Variants in PHF20 observed in about 807,000 individuals in gnomAD.
The protein encoded by PHF20 is glioma-expressed antigen 2.
PHF20 carries 23 observed loss-of-function variants against 113.5 expected under a neutral mutation model. That is an observed-to-expected ratio of 0.20 (90% CI 0.15 to 0.29). The LOEUF is 0.29. PHF20 is among the 10% of genes least tolerant of loss of function. PHF20 has a pLI of 1.00. For synonymous variants in PHF20, 434 were observed against 457.3 expected, an observed-to-expected ratio of 0.95 and a Z score of 0.65; for missense variants, 943 against 1,219.6, an observed-to-expected ratio of 0.77 and a Z score of 3.38.
At chr20:35,935,018 C>A (rs900697643) in intron 15 of PHF20, among the ~76,000 whole-genome samples, 1 of 151,872 alleles carries the variant, frequency 6.6e-6, no homozygotes, top group Non-Finnish European at 1.5e-5. Context: ...AGCTATATTT[C>A]TTTAAAAAAA....
chr20:35,869,451 C>A lies in PHF20; in HGVS notation c.822C>A (p.Asn274Lys). 6.3e-7 allele frequency: 1 copy of A among 1,591,064 alleles called. No individual in the cohort carries two copies. Among genetic ancestry groups the A allele is most frequent in the Non-Finnish European group, 8.6e-7 (1 of 1,162,316 alleles). The change falls in exon 7 of 18, where the codon AAC (asparagine) becomes AAA (lysine). Residue 274 changes from asparagine (N) to lysine (K), a missense_variant. Physicochemically the swap from Asn to Lys is moderately conservative, Grantham distance 94 (BLOSUM62 0). Around this residue, in one of 3 missense-constraint regions of PHF20, gnomAD observed 592 missense variants for 787.2 expected, o/e 0.75. Coordinates refer to ENST00000374012, the MANE Select transcript of PHF20 (RefSeq NM_016436.5). ...TAAACATGGTAGCTGTGGATTCAAA[C>A]TCTCAAACTTTGCAACCAATAACAT... ...PSIAPTAVDSNSQTLQPITLE... is the reference protein window; with the variant it reads ...PSIAPTAVDSKSQTLQPITLE...
At chr20:35,941,197 C>A in intron 17 of PHF20, 150 bp downstream of exon 17, 1 of 605,030 alleles carries the variant, frequency 1.7e-6, no homozygotes. Flanking sequence ...CCATTCTCCC[C>A]TCAGGATGGA....
chr20:35,875,847 A>T (rs570974573), intron 9 of PHF20, among the ~76,000 whole-genome samples: 62 of 152,322 alleles, frequency 4.1e-4, no homozygotes, highest in Admixed American at 3.6e-3. Flanking sequence ...CTAGATTAGA[A>T]GCTAACTCCA....
At chr20:35,829,064 G>C (rs1169169631) in intron 2 of PHF20, among the ~76,000 whole-genome samples, 1 of 152,150 alleles carries the variant, frequency 6.6e-6, no homozygotes, top group Non-Finnish European at 1.5e-5. Flanking sequence ...TGGCAAGTTG[G>C]TGCTGGTTCC....
At chr20:35,846,781 C>T (rs1490680858) in intron 3 of PHF20, among the ~76,000 whole-genome samples, 1 of 152,114 alleles carries the variant, frequency 6.6e-6, no homozygotes, top group Non-Finnish European at 1.5e-5. Context: ...TGACTCCTGT[C>T]TTAGTCTTTT....
chr20:35,801,266 A>T (rs1029944214), intron 1 of PHF20, among the ~76,000 whole-genome samples: 3 of 152,164 alleles, frequency 2.0e-5, no homozygotes, highest in African/African-American at 7.2e-5. Context: ...GTGAGTGGTA[A>T]GCAGTGTTGA....
intron 10 of PHF20, among the ~76,000 whole-genome samples, chr20:35,905,768 G>T (rs2147069916): frequency 6.6e-6 from 1 of 152,332 alleles, no homozygotes; most frequent in East Asian, 1.9e-4. Context: ...CCAGGAATAG[G>T]CATAGCAAGG....
At chr20:35,779,450 A>T (rs574653032) in intron 1 of PHF20, among the ~76,000 whole-genome samples, 1 of 152,098 alleles carries the variant, frequency 6.6e-6, no homozygotes, top group South Asian at 2.1e-4. Flanking sequence ...CTGTCCTAGT[A>T]GAGACCTGAT....
At chr20:35,808,966 C>T (rs2041931517) in intron 2 of PHF20, among the ~76,000 whole-genome samples, 1 of 151,372 alleles carries the variant, frequency 6.6e-6, no homozygotes, top group Non-Finnish European at 1.5e-5. Flanking sequence ...TTAAACTTAA[C>T]ATTTGGCCAG....
chr20:35,797,633 T>C (rs560421568), intron 1 of PHF20, among the ~76,000 whole-genome samples: 142 of 151,412 alleles, frequency 9.4e-4, no homozygotes, highest in African/African-American at 3.3e-3. Flanking sequence ...GGTGGTTTTT[T>C]TTGTTTGTTT....
chr20:35,888,252 A>G (rs912111794), intron 9 of PHF20, among the ~76,000 whole-genome samples: 1 of 152,138 alleles, frequency 6.6e-6, no homozygotes, highest in Non-Finnish European at 1.5e-5. Flanking sequence ...AAGTGTTGGG[A>G]TTACAGGTGT....
At chr20:35,898,162 A>G (rs1355847042) in intron 9 of PHF20, among the ~76,000 whole-genome samples, 6 of 152,236 alleles carry the variant, frequency 3.9e-5, no homozygotes, top group African/African-American at 1.4e-4. Flanking sequence ...GGCGTGAGCC[A>G]CTGCACCCAC....
At chr20:35,794,287 C>A (rs1194848848) in intron 1 of PHF20, among the ~76,000 whole-genome samples, 4 of 135,420 alleles carry the variant, frequency 3.0e-5, no homozygotes, top group African/African-American at 1.2e-4. Flanking sequence ...GCAACAAGAG[C>A]AAAACTCTGT....
At chr20:35,871,216 T>A in intron 8 of PHF20, 82 bp downstream of exon 8, 1 of 1,103,888 alleles carries the variant, frequency 9.1e-7, no homozygotes, top group Non-Finnish European at 1.3e-6. Flanking sequence ...TGTTCTGCCT[T>A]CCACAAGTAT....
At chr20:35,912,869 G>C (rs916873192) in intron 10 of PHF20, among the ~76,000 whole-genome samples, 2 of 152,148 alleles carry the variant, frequency 1.3e-5, no homozygotes, top group East Asian at 3.9e-4. Context: ...ATGTAGCCAG[G>C]GTTGAGGAGC....
rs1197867112 is a variant in PHF20, at chr20:35,781,709, C to A, written c.-33+9630C>A. Among the ~76,000 whole-genome samples, 7 of 152,154 alleles carry A rather than the reference C, an allele frequency of 4.6e-5. 1 individual carries two copies. Among genetic ancestry groups the A allele is most frequent in the Admixed American group, 2.0e-4 (3 of 15,270 alleles). Reference sequence around the variant, plus strand: ...CCTGTAATCCCAGCACTTCGGGAGGCTGAGGCAGGTAGATCACTTGAGGTC... The same window carrying A: ...CCTGTAATCCCAGCACTTCGGGAGGATGAGGCAGGTAGATCACTTGAGGTC... On this transcript the variant is annotated intron_variant, in intron 1 of 17. Transcript: ENST00000374012.
Position 35,857,562 on chromosome 20 carries a change from C to CTTTTTTTTTTTTTTTT in PHF20, c.341-731_341-716dup, listed in dbSNP as rs56655276. Among the ~76,000 whole-genome samples the CTTTTTTTTTTTTTTTT allele has an allele frequency of 1.6e-3, 164 of 99,672 alleles. 5 individuals are homozygous for CTTTTTTTTTTTTTTTT. The highest frequency in any genetic ancestry group is 2.9e-3 in the South Asian group (7 of 2,424). 65.4% of individuals were successfully genotyped at this position (99,672 alleles called of 152,430 possible). ...CAATACCTTTAGCTGAATGATGTTC[C>CTTTTTTTTTTTTTTTT]TTTTTTTTTTTTTTTTTTTTTTTTG... On this transcript the variant is annotated intron_variant, in intron 4 of 17. Transcript: ENST00000374012.
chr20:35,793,995 C>CAAA (rs56189104), intron 1 of PHF20, among the ~76,000 whole-genome samples: 25 of 33,830 alleles, frequency 7.4e-4, no homozygotes, highest in African/African-American at 2.0e-3. Flanking sequence ...GACTCTGTCT[C>CAAA]AAAAAAAAAA....
chr20:35,942,454 T>C (rs1349246972), intron 17 of PHF20, among the ~76,000 whole-genome samples: 2 of 152,334 alleles, frequency 1.3e-5, no homozygotes, highest in East Asian at 3.9e-4. Context: ...TGTTCGGTTG[T>C]TGCCACAGGG....
Sources: gnomAD v4.1 joint callset for allele counts (sites outside exome capture counted in the v4.1 genomes callset) on GRCh38, gnomAD v4.1.1 for gene constraint, gnomAD v4.1.1 regional missense constraint, MANE v1.5 for transcripts, NCBI Gene and HGNC (gene_info 2026-07-23, HGNC 2026-07-21) for gene names.